Variants in GNAS observed in about 807,000 individuals in gnomAD.
The protein encoded by GNAS is protein ALEX.
A neutral mutation model predicts 54.5 loss-of-function variants in GNAS; 8 were observed. The observed-to-expected ratio is 0.15, with a 90% CI of 0.09 to 0.26. GNAS has a LOEUF of 0.26. Among genes scored for constraint, GNAS ranks in the 10% least tolerant of loss-of-function variants. The probability of loss-of-function intolerance (pLI) is 1.00; values close to 1 mark genes in which losing one functional copy is unlikely to be tolerated. For synonymous variants in GNAS, 204 were observed against 191.4 expected (o/e 1.07, Z -0.54); for missense variants, 170 against 529.8 (o/e 0.32, Z 6.67).
intron 1 of GNAS, among the ~76,000 whole-genome samples, chr20:58,884,029 T>C (rs78407272): frequency 0.022 from 3,355 of 152,330 alleles, 115 homozygotes; most frequent in African/African-American, 0.077. Context: ...ATTGCTTAAT[T>C]CCTGGTTTAC....
chr20:58,892,323 G>C, intron 1 of GNAS: 1 of 250,182 alleles, frequency 4.0e-6, no homozygotes, highest in Non-Finnish European at 6.3e-6. Flanking sequence ...ACCCGCCTCC[G>C]TGGGGTGTGA....
chr20:58,861,407 G>T (rs1209121594), intron 1 of GNAS, among the ~76,000 whole-genome samples: 4 of 152,172 alleles, frequency 2.6e-5, no homozygotes, highest in Admixed American at 6.5e-5. Flanking sequence ...TTGGAATAGG[G>T]ACTAGGAGAC....
Position 58,853,738 on chromosome 20 carries a change from CAGA to C in GNAS, c.43+12858_43+12860del. The C allele has an allele frequency of 6.2e-7, 1 of 1,613,830 alleles. No individual in the cohort carries two copies. The highest frequency in any genetic ancestry group is 8.5e-7 in the Non-Finnish European group (1 of 1,179,878). ...GGCCTGGGAGGATACAGCCCTCCAC[CAGA>C]AGAAGCTATGCCCTTTGAGTTTGAC... On this transcript the variant is annotated intron_variant, in intron 1 of 12. Coordinates refer to the GNAS transcript ENST00000306090. This position sits in a 1 kb window ranked among gnomAD's most constrained non-coding sequence, Gnocchi z 4.4.
chr20:58,874,041 G>A (rs185847283), intron 1 of GNAS, among the ~76,000 whole-genome samples: 2 of 152,356 alleles, frequency 1.3e-5, no homozygotes, highest in Admixed American at 6.5e-5. Context: ...ACATTTGACA[G>A]GCACAGCCAT....
chr20:58,890,163 A>G (rs1295557937), upstream of GNAS, among the ~76,000 whole-genome samples: 9 of 151,718 alleles, frequency 5.9e-5, no homozygotes, highest in Admixed American at 2.0e-4. Flanking sequence ...GGAGAAGAAG[A>G]AGGAGAAGGA....
At chr20:58,855,308 G>A (rs1372899917) in intron 1 of GNAS, 1 of 1,579,140 alleles carries the variant, frequency 6.3e-7, no homozygotes, top group Admixed American at 1.8e-5. Context: ...TGGGCTACAT[G>A]TGTACGCACC....
intron 3 of GNAS, chr20:58,899,507 G>C (rs768817840): frequency 9.2e-6 from 5 of 542,494 alleles, no homozygotes; most frequent in Non-Finnish European, 1.8e-5. Context: ...AAAAGCCTCT[G>C]GCCTTTTAAA....
At chr20:58,890,717 G>T (rs1425029363), upstream of GNAS, 2 of 152,088 alleles carry the variant, frequency 1.3e-5, no homozygotes, top group East Asian at 2.0e-4. Flanking sequence ...GGCGCCGGGG[G>T]CGCGAGGAGC....
intron 6 of GNAS, 140 bp downstream of exon 6, chr20:58,905,620 TTCTAA>T: frequency 1.4e-6 from 1 of 699,690 alleles, no homozygotes; most frequent in South Asian, 1.5e-5. Flanking sequence ...TGGCAGAAAG[TTCTAA>T]TCTGATTCAA....
At position 58,910,631 on chromosome 20, in the gene GNAS, G is replaced by A. The variant is rs1036220255; in HGVS notation, c.1039-52G>A. The A allele has an allele frequency of 4.4e-6, 7 of 1,607,724 alleles. No homozygotes were observed. Among genetic ancestry groups the A allele is most frequent in the Non-Finnish European group, 6.0e-6 (7 of 1,174,640 alleles). The stretch of plus-strand genomic sequence containing the variant: ...TGGTAGGTGTCCCCATCAGGGATAG[G>A]GTGGTTCCTGGCGAGGGTGTCACTG... On this transcript the variant is annotated intron_variant, in intron 12 of 12. Transcript: ENST00000371085. The surrounding 1 kb of genome is among the most constrained non-coding windows in gnomAD (Gnocchi z 5.8).
intron 2 of GNAS, among the ~76,000 whole-genome samples, chr20:58,896,631 A>G (rs1031547680): frequency 6.6e-6 from 1 of 151,448 alleles, no homozygotes; most frequent in Non-Finnish European, 1.5e-5. Context: ...TAAAAAAAAA[A>G]AAAGAAAAAG....
chr20:58,893,337 AATG>A (rs1415597324), intron 1 of GNAS, among the ~76,000 whole-genome samples: 2 of 152,098 alleles, frequency 1.3e-5, no homozygotes, highest in East Asian at 3.8e-4. Context: ...GGGGGAAAAA[AATG>A]TAATGAAATG....
intron 6 of GNAS, among the ~76,000 whole-genome samples, chr20:58,906,978 A>C (rs2091104101): frequency 6.6e-6 from 1 of 152,190 alleles, no homozygotes. Flanking sequence ...TATTACAAGT[A>C]GCTGAAACTC....
At chr20:58,862,962 G>GA (rs542171703) in intron 1 of GNAS, among the ~76,000 whole-genome samples, 834 of 82,188 alleles carry the variant, frequency 0.01, 4 homozygotes, top group Admixed American at 0.016. Context: ...TATTACACAT[G>GA]AAAAAAAAAA....
rs528397345 is a variant in GNAS at position 58,857,412 on chromosome 20, C to A, written c.43+16526C>A. ...GTTTCCCTGCAGACAACTGATTTTG[C>A]CATAACAGACCCATTTCAATATTCC... On this transcript the variant is annotated intron_variant, in intron 1 of 12. Transcript: ENST00000306090. This position sits in a 1 kb window ranked among gnomAD's most constrained non-coding sequence, Gnocchi z 4.1. 3.3e-5 allele frequency among the ~76,000 whole-genome samples: 5 copies of A among 152,284 alleles called. No homozygotes were observed. The highest frequency in any genetic ancestry group is 1.2e-4 in the African/African-American group (5 of 41,552).
intron 2 of GNAS, chr20:58,898,686 A>T (rs1313147390): frequency 1.7e-6 from 1 of 587,588 alleles, no homozygotes; most frequent in African/African-American, 1.9e-5. Flanking sequence ...CCTGTCTCCG[A>T]CCAGAGTCTC....
intron 1 of GNAS, chr20:58,854,231 C>G (rs762117523): frequency 1.9e-6 from 3 of 1,613,238 alleles, no homozygotes; most frequent in South Asian, 2.2e-5. Context: ...ACGACACTCC[C>G]GTCAACATGG....
chr20:58,901,079 G>A (rs1403602601), intron 3 of GNAS, among the ~76,000 whole-genome samples: 3 of 152,152 alleles, frequency 2.0e-5, no homozygotes, highest in Non-Finnish European at 4.4e-5. Context: ...TGGATATTTA[G>A]TACCCGAATG....
chr20:58,903,322 C>T, intron 3 of GNAS: 1 of 652,632 alleles, frequency 1.5e-6, no homozygotes, highest in Non-Finnish European at 2.8e-6. Context: ...GCTAATCTGC[C>T]CCGATTGGGC....
Sources: gnomAD v4.1 joint callset for allele counts (sites outside exome capture counted in the v4.1 genomes callset) on GRCh38, gnomAD v4.1.1 for gene constraint, Gnocchi (gnomAD v3.1) non-coding constraint, MANE v1.5 for transcripts, NCBI Gene and HGNC (gene_info 2026-07-23, HGNC 2026-07-21) for gene names.